MYO9A: variants seen among roughly 807,000 people sequenced by gnomAD.
MYO9A encodes the protein myosin IXA.
Under a neutral mutation model 293.3 loss-of-function variants are expected in MYO9A, and 103 were observed. The observed-to-expected ratio is 0.35, with a 90% CI of 0.30 to 0.41. MYO9A has a LOEUF of 0.41. Ranked by LOEUF, MYO9A falls within the 10% of genes least tolerant of loss-of-function variation. MYO9A has a pLI of 1.00. For missense variants in MYO9A, 2,685 were observed against 3,033.0 expected (o/e 0.89, Z 2.69); for synonymous variants, 1,001 against 1,035.7 (o/e 0.97, Z 0.64).
At chr15:72,051,465 C>T (rs981784316) in intron 1 of MYO9A, among the ~76,000 whole-genome samples, 9 of 152,166 alleles carry the variant, frequency 5.9e-5, no homozygotes, top group East Asian at 1.9e-4. Flanking sequence ...GCAGGAGCCC[C>T]ACCCTCCCAG....
intron 15 of MYO9A, among the ~76,000 whole-genome samples, chr15:71,947,800 A>G (rs965879638): frequency 2.0e-5 from 3 of 152,156 alleles, no homozygotes; most frequent in Admixed American, 1.3e-4. Context: ...CATATTCTCA[A>G]TCATCCCAAA....
intron 21 of MYO9A, 28 bp from the exon 22 acceptor site, chr15:71,903,091 A>C: frequency 6.4e-7 from 1 of 1,557,004 alleles, no homozygotes. Context: ...AATATTGTAA[A>C]ATCAGAAAAC....
At position 71,897,792 on chromosome 15, in the gene MYO9A, G is replaced by C. The variant is rs2057373594; in HGVS notation, c.4711C>G (p.Leu1571Val). 7 of 1,614,042 alleles carry C rather than the reference G, an allele frequency of 4.3e-6. No individual in the cohort carries two copies. Among genetic ancestry groups the C allele is most frequent in the Non-Finnish European group, 5.9e-6 (7 of 1,180,020 alleles). Reference sequence around the variant, plus strand: ...AATGATAGGGACCCCAGTACATTAAGTTCTCCCTTATTTGAGGTATTTAAG... The same window carrying C: ...AATGATAGGGACCCCAGTACATTAACTTCTCCCTTATTTGAGGTATTTAAG... The part of the protein sequence containing the change: ...LSLNTSNKGE[L>V]NVLGSLSLKD... Residue 1571 changes from leucine (L) to valine (V), a missense_variant, in exon 25 of 42, where the codon CTT (leucine) becomes GTT (valine). Physicochemically the swap from Leu to Val is conservative, Grantham distance 32 (BLOSUM62 1). Around this residue, in one of 10 missense-constraint regions of MYO9A, gnomAD observed 1,434 missense variants for 1,497.7 expected, o/e 0.96. Transcript: ENST00000356056.
chr15:71,904,675 A>G (rs1596153506), intron 20 of MYO9A, among the ~76,000 whole-genome samples: 1 of 152,202 alleles, frequency 6.6e-6, no homozygotes, highest in East Asian at 1.9e-4. Flanking sequence ...AAAACAAAAA[A>G]GAAAATTCTT....
chr15:71,953,864 T>A lies in MYO9A; in HGVS notation c.2183-1968A>T, dbSNP rs2059115170. Among the ~76,000 whole-genome samples, 3 of 148,424 alleles carry A rather than the reference T, an allele frequency of 2.0e-5. No individual in the cohort carries two copies. In the South Asian group the frequency reaches 6.7e-4, roughly 33 times the overall value. On this transcript the variant is annotated intron_variant, in intron 14 of 41. Coordinates refer to ENST00000356056, the MANE Select transcript of MYO9A (RefSeq NM_006901.4). ...GGGGATTCTTTTCTGAGGAGTCTCATCAACTGTTTTTTTGTTTTGTTTTGT... is the reference window on the plus strand; with the variant it reads ...GGGGATTCTTTTCTGAGGAGTCTCAACAACTGTTTTTTTGTTTTGTTTTGT...
intron 11 of MYO9A, among the ~76,000 whole-genome samples, chr15:71,980,671 C>T (rs926822014): frequency 4.6e-5 from 7 of 151,876 alleles, no homozygotes; most frequent in East Asian, 3.9e-4. Context: ...CCTGACTCTA[C>T]AAAAATAAAG....
At chr15:71,974,150 ATTTGGACAATCATCATCT>A (rs2076080818) in intron 12 of MYO9A, among the ~76,000 whole-genome samples, 2 of 152,230 alleles carry the variant, frequency 1.3e-5, no homozygotes, top group South Asian at 4.1e-4. Context: ...TATCGCATGG[ATTTGGACAATCATCATCT>A]TTTCAGAACG....
chr15:71,831,758 A>AG (rs2140642398), intron 39 of MYO9A, among the ~76,000 whole-genome samples: 1 of 152,332 alleles, frequency 6.6e-6, no homozygotes, highest in East Asian at 1.9e-4. Flanking sequence ...AAATAATCAA[A>AG]GGTAACAGGC....
intron 22 of MYO9A, 55 bp from the exon 23 acceptor site, chr15:71,901,395 T>C: frequency 1.3e-6 from 2 of 1,526,972 alleles, no homozygotes; most frequent in Non-Finnish European, 1.8e-6. Flanking sequence ...GAGAAATTTA[T>C]TTCATGAATC....
At chr15:71,924,375 G>A (rs2058236032) in intron 18 of MYO9A, among the ~76,000 whole-genome samples, 2 of 151,970 alleles carry the variant, frequency 1.3e-5, no homozygotes, top group Non-Finnish European at 2.9e-5. Flanking sequence ...CTGAGTAGCT[G>A]GGAATACAGG....
At chr15:71,864,185 C>T (rs1346953531) in intron 32 of MYO9A, among the ~76,000 whole-genome samples, 1 of 152,156 alleles carries the variant, frequency 6.6e-6, no homozygotes, top group Non-Finnish European at 1.5e-5. Flanking sequence ...GAAGAGACAG[C>T]TCATCAAAGA....
chr15:71,916,614 A>T, intron 18 of MYO9A, 122 bp from the exon 19 acceptor site: 1 of 911,358 alleles, frequency 1.1e-6, no homozygotes, highest in Non-Finnish European at 1.6e-6. Context: ...GACTGTAGTG[A>T]ATATGAAAGA....
intron 15 of MYO9A, among the ~76,000 whole-genome samples, chr15:71,946,918 A>C (rs1352583629): frequency 6.6e-6 from 1 of 152,226 alleles, no homozygotes; most frequent in Admixed American, 6.5e-5. Flanking sequence ...GTTTGAGACC[A>C]GCCTGGACAA....
intron 1 of MYO9A, among the ~76,000 whole-genome samples, chr15:72,101,331 G>A (rs2080307353): frequency 6.8e-6 from 1 of 146,464 alleles, no homozygotes; most frequent in Non-Finnish European, 1.5e-5. Context: ...CCGTCCGGGA[G>A]GGAGGTCGGG....
At position 71,920,054 on chromosome 15, in the gene MYO9A, T is replaced by A. The variant is rs566129404; in HGVS notation, c.2563-3562A>T. 1.4e-4 allele frequency among the ~76,000 whole-genome samples: 22 copies of A among 152,118 alleles called. No homozygotes were observed. The South Asian group carries it at 4.6e-3, about 32-fold the overall frequency. On this transcript the variant is annotated intron_variant, in intron 18 of 41. Transcript: ENST00000356056. ...ATTAGGACATTAAAAAATAATTCAA[T>A]CATGCATAAGGTTTATGAAAAAAAG... is the stretch of plus-strand genomic sequence containing the variant.
chr15:71,946,745 A>G (rs2058927188), intron 15 of MYO9A, among the ~76,000 whole-genome samples: 3 of 152,232 alleles, frequency 2.0e-5, no homozygotes, highest in Admixed American at 2.0e-4. Flanking sequence ...TAGCTGGAGA[A>G]CATTTCCACA....
At chr15:71,986,188 G>A (rs1041229822) in intron 11 of MYO9A, among the ~76,000 whole-genome samples, 4 of 152,160 alleles carry the variant, frequency 2.6e-5, no homozygotes, top group African/African-American at 9.7e-5. Flanking sequence ...CATTTACAGT[G>A]TATTAAGTAT....
chr15:72,001,553 CA>C (rs199812533), intron 8 of MYO9A, among the ~76,000 whole-genome samples: 18,969 of 101,728 alleles, frequency 0.19, 796 homozygotes, highest in East Asian at 0.36. Flanking sequence ...GACTCCATCT[CA>C]AAAAAAAAAA....
At chr15:71,950,522 G>A (rs1347938618) in intron 15 of MYO9A, 2 of 152,268 alleles carry the variant, frequency 1.3e-5, no homozygotes, top group Admixed American at 6.5e-5. Context: ...AGACAGAATA[G>A]GAAGATGAAT....
Sources: gnomAD v4.1 joint callset for allele counts (sites outside exome capture counted in the v4.1 genomes callset) on GRCh38, gnomAD v4.1.1 for gene constraint, gnomAD v4.1.1 regional missense constraint, MANE v1.5 for transcripts, NCBI Gene and HGNC (gene_info 2026-07-23, HGNC 2026-07-21) for gene names.